KAZN: variants seen among roughly 807,000 people sequenced by gnomAD.
The protein encoded by KAZN is kazrin.
Under a neutral mutation model 87.4 loss-of-function variants are expected in KAZN, and 40 were observed. That is an observed-to-expected ratio of 0.46 (90% CI 0.36 to 0.60). KAZN has a LOEUF of 0.60. Ranked by LOEUF, KAZN falls within the 20% of genes least tolerant of loss-of-function variation. The pLI is 0.00. For missense variants in KAZN, 898 were observed against 1,073.9 expected (o/e 0.84, Z 2.29); for synonymous variants, 466 against 458.3 (o/e 1.02, Z -0.22).
Position 14,598,876 on chromosome 1 carries a change from G to A in KAZN, c.-122G>A. 1 of 1,459,288 alleles carries A rather than the reference G, an allele frequency of 6.9e-7. No individual in the cohort carries two copies. The highest frequency in any genetic ancestry group is 1.4e-5 in the South Asian group (1 of 69,164). The allele number at this position is 1,459,288 out of a possible 1,614,324, so 90.4% of individuals were successfully genotyped here. ...GCGCTGCCGGTGCCTGGGGGTCGGGGCGCGGGCGAAGCCGGGCCGCGGAGG... is the reference window on the plus strand; with the variant it reads ...GCGCTGCCGGTGCCTGGGGGTCGGGACGCGGGCGAAGCCGGGCCGCGGAGG... On this transcript the variant is annotated 5_prime_UTR_variant, in exon 1 of 15. Transcript: ENST00000376030. This position sits in a 1 kb window ranked among gnomAD's most constrained non-coding sequence, Gnocchi z 4.2.
At chr1:14,236,934 GTATT>G (rs1441674323) in intron 2 of KAZN, among the ~76,000 whole-genome samples, 6 of 151,944 alleles carry the variant, frequency 3.9e-5, no homozygotes, top group Non-Finnish European at 7.4e-5. Flanking sequence ...CCAAAATAAA[GTATT>G]AATAAAGAGA....
At chr1:14,842,930 A>G (rs1648189469) in intron 1 of KAZN, among the ~76,000 whole-genome samples, 3 of 152,196 alleles carry the variant, frequency 2.0e-5, no homozygotes, top group African/African-American at 4.8e-5. Flanking sequence ...CCTTGTCTCC[A>G]TAATGTGATG....
At chr1:14,602,406 C>T (rs1406722783) in intron 1 of KAZN, among the ~76,000 whole-genome samples, 3 of 152,186 alleles carry the variant, frequency 2.0e-5, no homozygotes, top group Admixed American at 2.0e-4. Context: ...CAGGGTGACA[C>T]ATTTCAGAGC....
chr1:14,274,324 T>G (rs529754147), intron 2 of KAZN, among the ~76,000 whole-genome samples: 1 of 152,350 alleles, frequency 6.6e-6, no homozygotes, highest in East Asian at 1.9e-4. Context: ...TCTGGTCTAC[T>G]GGCTTCTCTT....
chr1:14,044,109 A>ATCTC (rs70987715), intron 1 of KAZN, among the ~76,000 whole-genome samples: 26,209 of 149,974 alleles, frequency 0.17, 2,617 homozygotes, highest in Non-Finnish European at 0.24. Flanking sequence ...TCTCCATGTG[A>ATCTC]TCTCTCTCTC....
intron 2 of KAZN, among the ~76,000 whole-genome samples, chr1:14,194,200 G>C (rs1424912443): frequency 6.6e-6 from 1 of 152,086 alleles, no homozygotes; most frequent in Non-Finnish European, 1.5e-5. Flanking sequence ...TACTTTAGAG[G>C]ACGCATGGGG....
chr1:14,673,274 C>T (rs1397986070), intron 1 of KAZN, among the ~76,000 whole-genome samples: 15 of 152,172 alleles, frequency 9.9e-5, no homozygotes, highest in African/African-American at 3.1e-4. Flanking sequence ...GTGGATTCTG[C>T]GAGGAACTGA....
intron 1 of KAZN, among the ~76,000 whole-genome samples, chr1:14,109,911 T>A (rs1644464501): frequency 1.9e-5 from 2 of 102,756 alleles, no homozygotes; most frequent in Non-Finnish European, 4.1e-5. Context: ...GATGGAGGCA[T>A]TTTTTTCCCC....
chr1:14,798,830 G>A (rs574264042), intron 1 of KAZN, among the ~76,000 whole-genome samples: 8 of 151,892 alleles, frequency 5.3e-5, no homozygotes, highest in Non-Finnish European at 8.8e-5. Flanking sequence ...GCATGATCTC[G>A]GCTCACTGCA....
intron 1 of KAZN, among the ~76,000 whole-genome samples, chr1:14,157,590 T>A (rs1281251163): frequency 1.3e-5 from 2 of 152,252 alleles, no homozygotes; most frequent in Non-Finnish European, 2.9e-5. Flanking sequence ...AAAAGTCTGC[T>A]GCCAGAGGTA....
chr1:14,254,697 G>A (rs1218880441), intron 2 of KAZN, among the ~76,000 whole-genome samples: 3 of 151,826 alleles, frequency 2.0e-5, no homozygotes, highest in Non-Finnish European at 4.4e-5. Context: ...AAATACCTGA[G>A]ACTGGGTAAT....
At chr1:14,639,353 A>G (rs1228451411) in intron 1 of KAZN, among the ~76,000 whole-genome samples, 1 of 152,224 alleles carries the variant, frequency 6.6e-6, no homozygotes, top group East Asian at 1.9e-4. Context: ...AGCTGTAAAA[A>G]TGCGATGCAG....
intron 2 of KAZN, among the ~76,000 whole-genome samples, chr1:14,307,825 C>A (rs556164128): frequency 2.0e-5 from 3 of 152,292 alleles, no homozygotes; most frequent in East Asian, 1.9e-4. Flanking sequence ...CCCTACAAAT[C>A]ATTTATTAAC....
chr1:14,935,011 G>A (rs1273557575), intron 1 of KAZN, among the ~76,000 whole-genome samples: 2 of 152,212 alleles, frequency 1.3e-5, no homozygotes, highest in Non-Finnish European at 2.9e-5. Flanking sequence ...TCCCTGGCTG[G>A]GGAGGAGTTG....
In KAZN at chr1:15,021,990, GA is replaced by G. The variant is rs1670716284; in HGVS notation, c.419-12758del. ...CCAGGGGAAAACCATCAGATCTCGT[GA>G]GACTTATTCACTGCCATGAGAACAG... On this transcript the variant is annotated intron_variant, in intron 2 of 14. Transcript: ENST00000376030. This position sits in a 1 kb window ranked among gnomAD's most constrained non-coding sequence, Gnocchi z 4.2. Among the ~76,000 whole-genome samples, 1 of 152,172 alleles carries G rather than the reference GA, an allele frequency of 6.6e-6. No homozygotes were observed. Among genetic ancestry groups the G allele is most frequent in the Non-Finnish European group, 1.5e-5 (1 of 68,030 alleles).
intron 1 of KAZN, among the ~76,000 whole-genome samples, chr1:14,697,667 C>T (rs941865134): frequency 1.3e-5 from 2 of 152,228 alleles, no homozygotes; most frequent in Non-Finnish European, 2.9e-5. Context: ...ATAAACACTT[C>T]AGTCCACTGA....
rs1639795340 is a variant in KAZN, at chr1:15,077,108, G to A, written c.1222+11355G>A. Among the ~76,000 whole-genome samples the A allele has an allele frequency of 6.6e-6, 1 of 152,220 alleles. No homozygotes were observed. Among genetic ancestry groups the A allele is most frequent in the Non-Finnish European group, 1.5e-5 (1 of 68,036 alleles). ...TGTTTCCAGAGCTCCAGATCTTCTA[G>A]AGAAGCCAAATATCTCACATAATAC... is the stretch of plus-strand genomic sequence containing the variant. On this transcript the variant is annotated intron_variant, in intron 8 of 14. Coordinates refer to ENST00000376030, the MANE Select transcript of KAZN (RefSeq NM_201628.3). The surrounding 1 kb of genome is among the most constrained non-coding windows in gnomAD (Gnocchi z 4.8).
chr1:14,113,505 TTA>T (rs1644543931), intron 1 of KAZN, among the ~76,000 whole-genome samples: 1 of 152,178 alleles, frequency 6.6e-6, no homozygotes, highest in Non-Finnish European at 1.5e-5. Flanking sequence ...GAGACGTCAT[TTA>T]TTACGTCCTT....
chr1:14,030,063 G>A (rs61777709), intron 1 of KAZN, among the ~76,000 whole-genome samples: 685 of 124,818 alleles, frequency 5.5e-3, no homozygotes, highest in South Asian at 9.3e-3. Context: ...AATTACCTTG[G>A]GCAGTATGGC....
Sources: allele counts gnomAD v4.1 joint callset (sites outside exome capture counted in the v4.1 genomes callset), GRCh38; gene constraint gnomAD v4.1.1; non-coding constraint Gnocchi (gnomAD v3.1); transcripts MANE v1.5; gene names NCBI Gene and HGNC (gene_info 2026-07-23, HGNC 2026-07-21).